SLC22A2: variants seen among roughly 807,000 people sequenced by gnomAD.
SLC22A2 encodes organic cation transporter 2.
In SLC22A2, 46 loss-of-function variants were observed where a neutral mutation model predicts 60.5. That is an observed-to-expected ratio of 0.76 (90% confidence interval 0.60 to 0.97). The LOEUF (loss-of-function observed/expected upper bound fraction) is 0.97. Ranked by LOEUF, SLC22A2 falls within the 50% of genes least tolerant of loss-of-function variation. The pLI, the probability that SLC22A2 is intolerant of heterozygous loss-of-function variation, is 0.00. For synonymous variants in SLC22A2, 303 were observed against 267.0 expected, an observed-to-expected ratio of 1.13 and a Z score of -1.31; for missense variants, 701 against 706.6, an observed-to-expected ratio of 0.99 and a Z score of 0.09.
At chr6:160,252,325 G>A (rs1037358571) in intron 2 of SLC22A2, among the ~76,000 whole-genome samples, 7 of 152,172 alleles carry the variant, frequency 4.6e-5, no homozygotes, top group Non-Finnish European at 1.0e-4. Flanking sequence ...CCACAGTAGT[G>A]CCCCATGTAG....
chr6:160,227,630 A>G (rs1267179379), intron 9 of SLC22A2, among the ~76,000 whole-genome samples: 1 of 152,234 alleles, frequency 6.6e-6, no homozygotes, highest in African/African-American at 2.4e-5. Context: ...AACTCTTTAA[A>G]TATTTTACAG....
chr6:160,245,594 C>G, intron 5 of SLC22A2, 49 bp from the exon 6 acceptor site: 5 of 1,176,210 alleles, frequency 4.3e-6, no homozygotes, highest in Admixed American at 1.9e-5. Flanking sequence ...ATGCTAGTGT[C>G]CCTGGGTCAC....
chr6:160,249,591 T>C (rs1583400319), intron 3 of SLC22A2, among the ~76,000 whole-genome samples: 2 of 152,202 alleles, frequency 1.3e-5, no homozygotes, highest in African/African-American at 4.8e-5. Flanking sequence ...TATAGTCCCA[T>C]TGTAGATGGG....
In SLC22A2 at chr6:160,241,437, A is replaced by G. The variant is rs542393908; in HGVS notation, c.1501+37T>C. 3 of 1,365,248 alleles carry G rather than the reference A, an allele frequency of 2.2e-6. No individual in the cohort carries two copies. The East Asian group carries it at 6.9e-5, about 31-fold the overall frequency. 84.6% of individuals were successfully genotyped at this position (1,365,248 alleles called of 1,614,324 possible). ...GAGAAGTGAAGGTCTCTAGAAAAAT[A>G]AGTTTTCACTTAAAGACATCTGTGA... On this transcript the variant is annotated intron_variant, in intron 9 of 10. Transcript: ENST00000366953.
In SLC22A2 at chr6:160,228,992, A is replaced by C. The variant is rs186065022; in HGVS notation, c.1502-4188T>G. ...GACCTCCTGCACCCAGGTGAAATAA[A>C]CAGCCTCGTTGCTCACACAAAGCCT... is the stretch of plus-strand genomic sequence containing the variant. On this transcript the variant is annotated intron_variant, in intron 9 of 10. Coordinates refer to ENST00000366953, the MANE Select transcript of SLC22A2 (RefSeq NM_003058.4). Among the ~76,000 whole-genome samples, 543 of 152,008 alleles carry C rather than the reference A, an allele frequency of 3.6e-3. 5 individuals carry two copies. Among genetic ancestry groups the C allele is most frequent in the Middle Eastern group, 0.031 (9 of 294 alleles).
intron 9 of SLC22A2, among the ~76,000 whole-genome samples, chr6:160,232,034 A>G (rs559851401): frequency 6.6e-6 from 1 of 151,938 alleles, no homozygotes; most frequent in South Asian, 2.1e-4. Flanking sequence ...CAAAATCCCA[A>G]ACTATGCTCA....
At chr6:160,218,529 T>TAAC (rs1312980366) in intron 10 of SLC22A2, among the ~76,000 whole-genome samples, 2 of 151,390 alleles carry the variant, frequency 1.3e-5, no homozygotes, top group African/African-American at 4.9e-5. Flanking sequence ...ACAGCAACAG[T>TAAC]AACAGTAGCA....
chr6:160,242,186 T>C, intron 8 of SLC22A2, 108 bp downstream of exon 8: 1 of 757,306 alleles, frequency 1.3e-6, no homozygotes, highest in Non-Finnish European at 2.4e-6. Context: ...TCACCTTCCC[T>C]TACACTGTGT....
chr6:160,221,678 G>A (rs1782646550), intron 10 of SLC22A2, among the ~76,000 whole-genome samples: 1 of 152,190 alleles, frequency 6.6e-6, no homozygotes, highest in African/African-American at 2.4e-5. Context: ...ATATGGTTGT[G>A]TCTTGGGCCA....
intron 2 of SLC22A2, among the ~76,000 whole-genome samples, chr6:160,251,915 A>C (rs943362932): frequency 1.3e-5 from 2 of 152,200 alleles, no homozygotes; most frequent in African/African-American, 4.8e-5. Flanking sequence ...AATTAGTATT[A>C]ACTAGTAAAT....
chr6:160,256,510 C>A, intron 2 of SLC22A2, 104 bp downstream of exon 2: 1 of 755,082 alleles, frequency 1.3e-6, no homozygotes, highest in East Asian at 2.5e-5. Context: ...AGATTGTGGT[C>A]TGTGTGCTTG....
chr6:160,232,020 C>T (rs527900624), intron 9 of SLC22A2, among the ~76,000 whole-genome samples: 3 of 152,032 alleles, frequency 2.0e-5, no homozygotes. Context: ...CTTTTAGAGG[C>T]CCTCAAAATC....
intron 2 of SLC22A2, among the ~76,000 whole-genome samples, chr6:160,255,933 G>C (rs1208340017): frequency 6.6e-6 from 1 of 152,144 alleles, no homozygotes; most frequent in Non-Finnish European, 1.5e-5. Context: ...GGATAAGTAA[G>C]AGACATAGCA....
At chr6:160,249,935 C>T (rs995596983) in intron 3 of SLC22A2, among the ~76,000 whole-genome samples, 2 of 152,198 alleles carry the variant, frequency 1.3e-5, no homozygotes, top group Non-Finnish European at 2.9e-5. Flanking sequence ...GTGGTTCAAC[C>T]CGTTGGTATC....
At chr6:160,234,495 C>T (rs577639332) in intron 9 of SLC22A2, among the ~76,000 whole-genome samples, 4 of 152,190 alleles carry the variant, frequency 2.6e-5, no homozygotes, top group African/African-American at 7.2e-5. Flanking sequence ...CTGCCCCTGC[C>T]GCCCCACCAG....
At chr6:160,224,057 G>A (rs1782685284) in intron 10 of SLC22A2, among the ~76,000 whole-genome samples, 1 of 152,048 alleles carries the variant, frequency 6.6e-6, no homozygotes, top group South Asian at 2.1e-4. Flanking sequence ...TACTACTATT[G>A]CATTGTCCAT....
intron 9 of SLC22A2, among the ~76,000 whole-genome samples, chr6:160,230,194 A>G (rs988802525): frequency 2.0e-5 from 3 of 151,578 alleles, no homozygotes; most frequent in Non-Finnish European, 2.9e-5. Flanking sequence ...CCCTGACCCT[A>G]TAATTCTTTT....
intron 2 of SLC22A2, among the ~76,000 whole-genome samples, chr6:160,252,395 A>G (rs1257843750): frequency 6.6e-6 from 1 of 152,248 alleles, no homozygotes; most frequent in East Asian, 1.9e-4. Flanking sequence ...TCAGAGCAAG[A>G]AAATCAAATC....
At position 160,216,860 on chromosome 6, in the gene SLC22A2, CT is replaced by C. The variant is rs1782546187; in HGVS notation, c.*571del. On this transcript the variant is annotated 3_prime_UTR_variant, in exon 11 of 11. Transcript: ENST00000366953. Reference sequence around the variant, plus strand: ...TAAATATGGAAGGACCTCATGATCACTTAAGTTGTATTCCTGATTCTTTTAT... The same window carrying C: ...TAAATATGGAAGGACCTCATGATCACTAAGTTGTATTCCTGATTCTTTTAT... 6.6e-6 allele frequency: 1 copy of C among 152,036 alleles called. No individual in the cohort carries two copies. Among genetic ancestry groups the C allele is most frequent in the African/African-American group, 2.4e-5 (1 of 41,332 alleles). The allele number at this position is 152,036 out of a possible 1,614,324, so 9.4% of individuals were successfully genotyped here. A position where few individuals can be genotyped will look rare whatever the true frequency, so the allele number is the denominator to read the frequency against.
Sources: allele counts gnomAD v4.1 joint callset (sites outside exome capture counted in the v4.1 genomes callset), GRCh38; gene constraint gnomAD v4.1.1; transcripts MANE v1.5; gene names NCBI Gene and HGNC (gene_info 2026-07-23, HGNC 2026-07-21).